Variants in FOXK1 observed in about 807,000 individuals in gnomAD.
The protein encoded by FOXK1 is forkhead box protein K1.
Under a neutral mutation model 51.9 loss-of-function variants are expected in FOXK1, and 19 were observed. That is an observed-to-expected ratio of 0.37 (90% CI 0.26 to 0.54). The LOEUF (loss-of-function observed/expected upper bound fraction) is 0.54. Among genes scored for constraint, FOXK1 ranks in the 20% least tolerant of loss-of-function variants. FOXK1 has a pLI of 0.87. For synonymous variants in FOXK1, 537 were observed against 482.6 expected (o/e 1.11, Z -1.48); for missense variants, 870 against 1,032.7 (o/e 0.84, Z 2.16).
rs1418494351 is a variant in FOXK1 at position 4,683,255 on chromosome 7, C to T, written c.560+387C>T. On this transcript the variant is annotated intron_variant, in intron 1 of 8. Transcript: ENST00000328914. This position sits in a 1 kb window ranked among gnomAD's most constrained non-coding sequence, Gnocchi z 4.5. ...TCCTGGAGCCACCCATACCCCAAGC[C>T]CATCTGGCTGGGCCTCTTAGACCCC... is the stretch of plus-strand genomic sequence containing the variant. Among the ~76,000 whole-genome samples, 2 of 151,760 alleles carry T rather than the reference C, an allele frequency of 1.3e-5. No homozygotes were observed. Among genetic ancestry groups the T allele is most frequent in the Admixed American group, 6.6e-5 (1 of 15,258 alleles).
intron 1 of FOXK1, among the ~76,000 whole-genome samples, chr7:4,686,767 A>G (rs183314950): frequency 1.3e-5 from 2 of 151,922 alleles, no homozygotes; most frequent in Admixed American, 1.3e-4. Flanking sequence ...CAGCTTCTGT[A>G]GGAGAAAAAC....
intron 1 of FOXK1, among the ~76,000 whole-genome samples, chr7:4,726,497 C>T (rs1780382798): frequency 6.6e-6 from 1 of 152,176 alleles, no homozygotes; most frequent in Non-Finnish European, 1.5e-5. Context: ...TGGCACGTGC[C>T]TGTAGTCTCA....
In FOXK1 at chr7:4,758,719, T is replaced by G. The variant is rs949129027; in HGVS notation, c.1245-332T>G. 7.6e-5 allele frequency: 23 copies of G among 303,122 alleles called. No homozygotes were observed. The highest frequency in any genetic ancestry group is 4.2e-4 in the African/African-American group (19 of 45,630). 18.8% of individuals were successfully genotyped at this position (303,122 alleles called of 1,614,324 possible). On this transcript the variant is annotated intron_variant, in intron 5 of 8. Transcript: ENST00000328914. The surrounding 1 kb of genome is among the most constrained non-coding windows in gnomAD (Gnocchi z 4.4). ...GCGCCCACCAAACAGAAGCTTATGT[T>G]TTTGGCACAGAAGGCCTGGGCCATT...
In FOXK1 at chr7:4,730,787, TAGAA is replaced by T. The variant is rs752019610; in HGVS notation, c.561-10047_561-10044del. Among the ~76,000 whole-genome samples, 17 of 152,240 alleles carry T rather than the reference TAGAA, an allele frequency of 1.1e-4. No homozygotes were observed. Among genetic ancestry groups the T allele is most frequent in the African/African-American group, 1.7e-4 (7 of 41,468 alleles). On this transcript the variant is annotated intron_variant, in intron 1 of 8. Coordinates refer to ENST00000328914, the MANE Select transcript of FOXK1 (RefSeq NM_001037165.2). The surrounding 1 kb of genome is among the most constrained non-coding windows in gnomAD (Gnocchi z 4.7). ...ATAAATAAATGCCTTCCATTTTTAA[TAGAA>T]AGACAGTATTTTAGGTTAAAAAATT...
At chr7:4,759,754 G>A (rs1780907222) in intron 7 of FOXK1, 159 bp downstream of exon 7, 1 of 916,422 alleles carries the variant, frequency 1.1e-6, no homozygotes, top group Non-Finnish European at 1.6e-6. Flanking sequence ...AGCATGAGCT[G>A]GGCAGGTGGC....
At chr7:4,705,965 T>TATATATAC (rs1780087525) in intron 1 of FOXK1, among the ~76,000 whole-genome samples, 7 of 69,294 alleles carry the variant, frequency 1.0e-4, no homozygotes, top group Admixed American at 1.5e-4. Context: ...TATATGTATA[T>TATATATAC]ATATATACGT....
At chr7:4,705,881 G>A (rs919483581) in intron 1 of FOXK1, among the ~76,000 whole-genome samples, 5 of 149,162 alleles carry the variant, frequency 3.4e-5, no homozygotes, top group African/African-American at 5.0e-5. Flanking sequence ...AAAGAAAGCC[G>A]ATTTTAAGAG....
chr7:4,744,702 G>T (rs1269304902), intron 2 of FOXK1, among the ~76,000 whole-genome samples: 1 of 152,240 alleles, frequency 6.6e-6, no homozygotes, highest in African/African-American at 2.4e-5. Context: ...CCCGTCAGGG[G>T]GTGCGAGCAG....
intron 1 of FOXK1, among the ~76,000 whole-genome samples, chr7:4,721,210 T>C (rs762229294): frequency 6.6e-6 from 1 of 152,182 alleles, no homozygotes; most frequent in African/African-American, 2.4e-5. Flanking sequence ...ATGCAGCAGC[T>C]CAGACTGGAG....
At position 4,722,890 on chromosome 7, in the gene FOXK1, T is replaced by C. The variant is rs1006705490; in HGVS notation, c.561-17948T>C. Among the ~76,000 whole-genome samples, 2 of 151,972 alleles carry C rather than the reference T, an allele frequency of 1.3e-5. No individual in the cohort carries two copies. The highest frequency in any genetic ancestry group is 2.9e-5 in the Non-Finnish European group (2 of 67,998). Reference sequence around the variant, plus strand: ...CCGCAGAATTGGCATCCAGGTGAGGTGCCTGTGGGCAGAGCTGTTGATGGA... The same window carrying C: ...CCGCAGAATTGGCATCCAGGTGAGGCGCCTGTGGGCAGAGCTGTTGATGGA... On this transcript the variant is annotated intron_variant, in intron 1 of 8. Transcript: ENST00000328914. This position sits in a 1 kb window ranked among gnomAD's most constrained non-coding sequence, Gnocchi z 5.1.
At chr7:4,684,717 C>A (rs1394304635) in intron 1 of FOXK1, among the ~76,000 whole-genome samples, 3 of 152,166 alleles carry the variant, frequency 2.0e-5, no homozygotes, top group Non-Finnish European at 4.4e-5. Flanking sequence ...AACTCAGGTT[C>A]ACTAAGTACT....
intron 1 of FOXK1, among the ~76,000 whole-genome samples, chr7:4,692,490 G>A (rs1779905295): frequency 6.6e-6 from 1 of 152,190 alleles, no homozygotes; most frequent in Non-Finnish European, 1.5e-5. Context: ...CCGCCTCCTG[G>A]GTTCAAGCAA....
chr7:4,754,657 G>T, intron 3 of FOXK1, 42 bp downstream of exon 3: 1 of 1,585,636 alleles, frequency 6.3e-7, no homozygotes. Flanking sequence ...GGTGACCCAG[G>T]ATCGGGCCAT....
intron 2 of FOXK1, among the ~76,000 whole-genome samples, chr7:4,751,859 C>T (rs952362458): frequency 2.6e-5 from 4 of 152,252 alleles, no homozygotes; most frequent in African/African-American, 7.2e-5. Context: ...TACTCTCTCG[C>T]CTGTGGGAGC....
In FOXK1 at chr7:4,722,884, G is replaced by A. The variant is rs1432791558; in HGVS notation, c.561-17954G>A. Among the ~76,000 whole-genome samples, 1 of 152,110 alleles carries A rather than the reference G, an allele frequency of 6.6e-6. No individual in the cohort carries two copies. Among genetic ancestry groups the A allele is most frequent in the African/African-American group, 2.4e-5 (1 of 41,420 alleles). The stretch of plus-strand genomic sequence containing the variant: ...CGGTTCCCGCAGAATTGGCATCCAG[G>A]TGAGGTGCCTGTGGGCAGAGCTGTT... On this transcript the variant is annotated intron_variant, in intron 1 of 8. Coordinates refer to ENST00000328914, the MANE Select transcript of FOXK1 (RefSeq NM_001037165.2). This position sits in a 1 kb window ranked among gnomAD's most constrained non-coding sequence, Gnocchi z 5.1.
At chr7:4,704,824 A>G (rs936428991) in intron 1 of FOXK1, among the ~76,000 whole-genome samples, 86 of 116,004 alleles carry the variant, frequency 7.4e-4, no homozygotes, top group South Asian at 1.1e-3. Flanking sequence ...AAACCAATCT[A>G]TGTTTCATTC....
At chr7:4,691,484 G>A (rs1028053843) in intron 1 of FOXK1, among the ~76,000 whole-genome samples, 67 of 152,224 alleles carry the variant, frequency 4.4e-4, no homozygotes, top group African/African-American at 1.6e-3. Flanking sequence ...ACAGGTGCCT[G>A]CCACCACGCC....
chr7:4,745,387 G>A lies in FOXK1; in HGVS notation c.746+4364G>A, dbSNP rs1780689544. On this transcript the variant is annotated intron_variant, in intron 2 of 8. Coordinates refer to ENST00000328914, the MANE Select transcript of FOXK1 (RefSeq NM_001037165.2). This position sits in a 1 kb window ranked among gnomAD's most constrained non-coding sequence, Gnocchi z 4.3. ...AGCTGCCCCTGCCCCCGCCCCCCGC[G>A]CCACCCTGCGTCCTTCCTTTCCGTT... Among the ~76,000 whole-genome samples the A allele has an allele frequency of 6.6e-6, 1 of 151,368 alleles. No individual in the cohort carries two copies. Among genetic ancestry groups the A allele is most frequent in the Non-Finnish European group, 1.5e-5 (1 of 67,912 alleles).
intron 2 of FOXK1, among the ~76,000 whole-genome samples, chr7:4,750,839 G>A (rs1780766161): frequency 6.6e-6 from 1 of 151,730 alleles, no homozygotes; most frequent in Non-Finnish European, 1.5e-5. Flanking sequence ...CGAGTAGCTG[G>A]GATTACAGGC....
Sources: gnomAD v4.1 joint callset for allele counts (sites outside exome capture counted in the v4.1 genomes callset) on GRCh38, gnomAD v4.1.1 for gene constraint, Gnocchi (gnomAD v3.1) non-coding constraint, MANE v1.5 for transcripts, NCBI Gene and HGNC (gene_info 2026-07-23, HGNC 2026-07-21) for gene names.